LRRK1: variants seen among roughly 807,000 people sequenced by gnomAD.
The protein encoded by LRRK1 is leucine-rich repeat serine/threonine-protein kinase 1.
In LRRK1, 113 loss-of-function variants were observed where a neutral mutation model predicts 209.1. That is an observed-to-expected ratio of 0.54 (90% CI 0.46 to 0.63). The LOEUF is 0.63. Among genes scored for constraint, LRRK1 ranks in the 30% least tolerant of loss-of-function variants. The pLI is 0.00. For synonymous variants in LRRK1, 1,144 were observed against 1,099.7 expected (o/e 1.04, Z -0.80); for missense variants, 2,284 against 2,632.2 (o/e 0.87, Z 2.89).
chr15:101,054,896 C>G (rs746723963), intron 26 of LRRK1, 50 bp from the exon 27 acceptor site: 1 of 1,421,404 alleles, frequency 7.0e-7, no homozygotes, highest in Non-Finnish European at 9.6e-7. Context: ...TAATTTGATT[C>G]TATCAAAACT....
In LRRK1 at chr15:101,012,112, C is replaced by G. The variant is rs1201447786; in HGVS notation, c.1386C>G (p.Leu462=). ...ATGTGGATTTCTCAGAAAACGCACT[C>G]AAAGAAGTTCCCCTGGGACTTTTCC... ...LKDVDFSENA[L]KEVPLGLFQL... is the part of the protein sequence containing the mutation. Residue 462 remains leucine (L), a synonymous_variant, in exon 10 of 34, where the codon CTC becomes CTG. Coordinates refer to ENST00000388948, the MANE Select transcript of LRRK1 (RefSeq NM_024652.6). The G allele has an allele frequency of 6.2e-7, 1 of 1,612,248 alleles. No individual in the cohort carries two copies. The highest frequency in any genetic ancestry group is 2.2e-5 in the East Asian group (1 of 44,828).
At chr15:101,036,422 A>G (rs1596304570) in intron 20 of LRRK1, among the ~76,000 whole-genome samples, 1 of 152,276 alleles carries the variant, frequency 6.6e-6, no homozygotes, top group African/African-American at 2.4e-5. Flanking sequence ...CACTCAATGA[A>G]TTCTTCAGTC....
intron 6 of LRRK1, among the ~76,000 whole-genome samples, chr15:100,996,441 C>T (rs923184058): frequency 1.3e-5 from 2 of 152,348 alleles, no homozygotes; most frequent in Non-Finnish European, 1.5e-5. Context: ...AGGCCCTTTT[C>T]CTACCCTCTG....
chr15:101,004,237 T>A (rs914959057), intron 6 of LRRK1, among the ~76,000 whole-genome samples: 1 of 151,978 alleles, frequency 6.6e-6, no homozygotes, highest in Non-Finnish European at 1.5e-5. Context: ...GGAGAAGCTA[T>A]GAAAGAGGCA....
intron 3 of LRRK1, among the ~76,000 whole-genome samples, chr15:100,982,650 C>T (rs560949943): frequency 6.6e-6 from 1 of 152,310 alleles, no homozygotes; most frequent in African/African-American, 2.4e-5. Flanking sequence ...GGATCTTTGT[C>T]CCAGGATTCA....
chr15:100,970,919 GA>G (rs2030826875), intron 2 of LRRK1, among the ~76,000 whole-genome samples: 1 of 152,096 alleles, frequency 6.6e-6, no homozygotes, highest in African/African-American at 2.4e-5. Context: ...TTTTTTCTAA[GA>G]ATGTAATTTT....
rs1227502794 is a variant in LRRK1, at chr15:101,024,059, G to A, written c.2068-744G>A. Among the ~76,000 whole-genome samples, 1 of 152,050 alleles carries A rather than the reference G, an allele frequency of 6.6e-6. No individual in the cohort carries two copies. Among genetic ancestry groups the A allele is most frequent in the African/African-American group, 2.4e-5 (1 of 41,408 alleles). On this transcript the variant is annotated intron_variant, in intron 15 of 33. Coordinates refer to ENST00000388948, the MANE Select transcript of LRRK1 (RefSeq NM_024652.6). This position sits in a 1 kb window ranked among gnomAD's most constrained non-coding sequence, Gnocchi z 4.6. ...TTCACCCCCACTTCCTTTCTGCGAT[G>A]ATTAAAACCCCCTACCCTTTAGTGG...
At chr15:100,968,713 TCCTTCCTCCCTTC>T (rs1253608719) in intron 2 of LRRK1, among the ~76,000 whole-genome samples, 2 of 20,408 alleles carry the variant, frequency 9.8e-5, no homozygotes, top group Non-Finnish European at 3.3e-4. Context: ...CTTCCTTCCT[TCCTTCCTCCCTTC>T]CCTTCCCTTC....
chr15:101,028,972 A>G lies in LRRK1; in HGVS notation c.2703A>G (p.Ile901Met), dbSNP rs2141104648. 1.2e-6 allele frequency: 2 copies of G among 1,613,980 alleles called. No homozygotes were observed. The highest frequency in any genetic ancestry group is 1.7e-4 in the Middle Eastern group (1 of 6,012). ...EDLQSAISFL[I>M]ETGTLLHFPD... ...CTGGGGCAGCCATCAGCTTCCTCAT[A>G]GAAACCGGCACCCTGCTCCATTTCC... The change falls in exon 20 of 34, where the codon ATA (isoleucine) becomes ATG (methionine). Residue 901 changes from isoleucine (I) to methionine (M), a missense_variant. Physicochemically the swap from Ile to Met is conservative, Grantham distance 10 (BLOSUM62 1). Around this residue, in one of 6 missense-constraint regions of LRRK1, gnomAD observed 780 missense variants for 985.2 expected, o/e 0.79. Coordinates refer to ENST00000388948, the MANE Select transcript of LRRK1 (RefSeq NM_024652.6).
intron 2 of LRRK1, among the ~76,000 whole-genome samples, chr15:100,950,273 A>G (rs1216860346): frequency 6.6e-6 from 1 of 152,260 alleles, no homozygotes; most frequent in African/African-American, 2.4e-5. Context: ...AAATTTGGGA[A>G]TAAATGTAAC....
intron 20 of LRRK1, among the ~76,000 whole-genome samples, chr15:101,030,755 T>G (rs1040642186): frequency 6.6e-6 from 1 of 152,228 alleles, no homozygotes; most frequent in Non-Finnish European, 1.5e-5. Flanking sequence ...TGTTTTTGTT[T>G]GTTTATTTAC....
chr15:100,964,335 C>T (rs180764687), intron 2 of LRRK1, among the ~76,000 whole-genome samples: 220 of 152,300 alleles, frequency 1.4e-3, no homozygotes, highest in Non-Finnish European at 2.5e-3. Flanking sequence ...GAGATGTAAA[C>T]GGCTGCTGAT....
chr15:101,063,512 G>A (rs189019182), intron 31 of LRRK1, among the ~76,000 whole-genome samples: 54 of 152,264 alleles, frequency 3.5e-4, no homozygotes, highest in East Asian at 2.5e-3. Context: ...GGGCTCCTCC[G>A]CCCACAGGAT....
intron 22 of LRRK1, 23 bp downstream of exon 22, chr15:101,048,680 C>G: frequency 2.0e-6 from 3 of 1,486,212 alleles, no homozygotes; most frequent in Non-Finnish European, 2.7e-6. Flanking sequence ...GGAAGCCCAC[C>G]TGCCAGGTCA....
chr15:100,928,292 T>G (rs1261398500), intron 2 of LRRK1, among the ~76,000 whole-genome samples: 1 of 152,244 alleles, frequency 6.6e-6, no homozygotes, highest in Non-Finnish European at 1.5e-5. Flanking sequence ...TGCGGAATAC[T>G]TGACTTACTA....
rs756058323 is a variant in LRRK1, at chr15:100,988,652, G to A, written c.452G>A (p.Arg151Gln). 32 of 1,614,054 alleles carry A rather than the reference G, an allele frequency of 2.0e-5. No homozygotes were observed. The highest frequency in any genetic ancestry group is 1.1e-4 in the East Asian group (5 of 44,904). The change falls in exon 5 of 34, where the codon CGG becomes CAG. Residue 151 changes from arginine to glutamine, a missense_variant. Physicochemically the swap from Arg to Gln is conservative, Grantham distance 43. Coordinates refer to ENST00000388948, the MANE Select transcript of LRRK1 (RefSeq NM_024652.6). ...CTGCCAGGTCCCTGCAGTCCCCAGC[G>A]GCTTCTGAACTGGATGCTGGCCTTG... The part of the protein sequence containing the change: ...ESLPGPCSPQ[R>Q]LLNWMLALAC...
intron 7 of LRRK1, among the ~76,000 whole-genome samples, chr15:101,009,584 T>C (rs1422473793): frequency 6.6e-6 from 1 of 152,098 alleles, no homozygotes; most frequent in Non-Finnish European, 1.5e-5. Flanking sequence ...TCTTTATTTT[T>C]TATTTTTATT....
intron 2 of LRRK1, among the ~76,000 whole-genome samples, chr15:100,941,462 CTCTGTGTGTGTGTGTGTG>C (rs2042432362): frequency 1.2e-4 from 2 of 16,424 alleles, no homozygotes; most frequent in East Asian, 9.5e-3. Flanking sequence ...GTGTCTATGT[CTCTGTGTGTGTGTGTGTG>C]TGTGTGTGTG....
In LRRK1 at chr15:101,046,135, G is replaced by C; in HGVS notation, c.3118G>C (p.Ala1040Pro). The C allele has an allele frequency of 6.2e-7, 1 of 1,614,230 alleles. No homozygotes were observed. The highest frequency in any genetic ancestry group is 8.5e-7 in the Non-Finnish European group (1 of 1,180,040). ...RFIARMLISL[A>P]EMDLQLFENK... The stretch of plus-strand genomic sequence containing the variant: ...TATAGCACGGATGCTGATCAGCCTG[G>C]CGGAGATGGACCTGCAGGTATTATG... Residue 1040 changes from alanine to proline, a missense_variant, in exon 21 of 34, where the codon GCG becomes CCG. Physicochemically the swap from Ala to Pro is conservative, Grantham distance 27 (BLOSUM62 -1). This residue lies in a region of LRRK1 where 780 missense variants were observed against 985.2 expected (regional missense o/e 0.79). Coordinates refer to ENST00000388948, the MANE Select transcript of LRRK1 (RefSeq NM_024652.6).
Sources: gnomAD v4.1 joint callset for allele counts (sites outside exome capture counted in the v4.1 genomes callset) on GRCh38, gnomAD v4.1.1 for gene constraint, gnomAD v4.1.1 regional missense constraint, Gnocchi (gnomAD v3.1) non-coding constraint, MANE v1.5 for transcripts, NCBI Gene and HGNC (gene_info 2026-07-23, HGNC 2026-07-21) for gene names.